MACROD2: variants seen among roughly 807,000 people sequenced by gnomAD.
MACROD2 encodes the protein mono-ADP ribosylhydrolase 2, also known as ADP-ribose glycohydrolase MACROD2.
In MACROD2, 36 loss-of-function variants were observed where a neutral mutation model predicts 70.4. The ratio of observed to expected loss-of-function variants is 0.51; its 90% CI spans 0.39 to 0.68. The LOEUF (loss-of-function observed/expected upper bound fraction) is 0.68, where lower values mean the gene tolerates loss of function less well. Among genes scored for constraint, MACROD2 ranks in the 30% least tolerant of loss-of-function variants. The pLI, the probability that MACROD2 is intolerant of heterozygous loss-of-function variation, is 0.00. For missense variants in MACROD2, 496 were observed against 538.4 expected (o/e 0.92, Z 0.78); for synonymous variants, 172 against 178.8 (o/e 0.96, Z 0.30).
At chr20:15,809,306 C>G (rs1020589115) in intron 8 of MACROD2, among the ~76,000 whole-genome samples, 1 of 152,182 alleles carries the variant, frequency 6.6e-6, no homozygotes, top group African/African-American at 2.4e-5. Flanking sequence ...ACTGATGCCT[C>G]CAGGTCTTTG....
At chr20:14,975,967 C>G (rs2074735810) in intron 5 of MACROD2, among the ~76,000 whole-genome samples, 1 of 152,100 alleles carries the variant, frequency 6.6e-6, no homozygotes, top group Non-Finnish European at 1.5e-5. Flanking sequence ...TTAACAGGCT[C>G]AGGAAGGTAG....
At chr20:15,045,729 T>TG (rs1156750086) in intron 5 of MACROD2, among the ~76,000 whole-genome samples, 8 of 145,490 alleles carry the variant, frequency 5.5e-5, no homozygotes, top group African/African-American at 1.3e-4. Flanking sequence ...GTTTTTTTTT[T>TG]TTTTTTTTTT....
intron 5 of MACROD2, among the ~76,000 whole-genome samples, chr20:14,764,436 G>C (rs1056199578): frequency 6.6e-6 from 1 of 152,016 alleles, no homozygotes; most frequent in African/African-American, 2.4e-5. Context: ...CATCTGAGGT[G>C]GATTGTTTCT....
intron 5 of MACROD2, among the ~76,000 whole-genome samples, chr20:15,203,400 T>C (rs1399142631): frequency 2.0e-5 from 3 of 152,116 alleles, no homozygotes; most frequent in Non-Finnish European, 4.4e-5. Context: ...TCAGTCTTTG[T>C]TTTGTTTTCA....
chr20:15,579,080 G>A (rs1327523314), intron 8 of MACROD2, among the ~76,000 whole-genome samples: 1 of 152,120 alleles, frequency 6.6e-6, no homozygotes, highest in African/African-American at 2.4e-5. Context: ...ATATTTTCAA[G>A]ACAACATTCC....
chr20:14,574,093 G>A (rs762095164), intron 4 of MACROD2, among the ~76,000 whole-genome samples: 3 of 152,154 alleles, frequency 2.0e-5, no homozygotes, highest in Non-Finnish European at 2.9e-5. Context: ...AATCAAGAAC[G>A]ACACTGCTGC....
intron 4 of MACROD2, among the ~76,000 whole-genome samples, chr20:14,528,689 G>C (rs780859739): frequency 6.6e-6 from 1 of 151,828 alleles, no homozygotes; most frequent in African/African-American, 2.4e-5. Flanking sequence ...AACATTTCTC[G>C]ATCTCATTTG....
intron 5 of MACROD2, among the ~76,000 whole-genome samples, chr20:15,034,239 T>C (rs2075296503): frequency 6.6e-6 from 1 of 152,186 alleles, no homozygotes; most frequent in African/African-American, 2.4e-5. Context: ...CCAAATTTGA[T>C]GGTTGGAATT....
chr20:15,033,995 A>G (rs971108400), intron 5 of MACROD2, among the ~76,000 whole-genome samples: 1 of 152,172 alleles, frequency 6.6e-6, no homozygotes, highest in Non-Finnish European at 1.5e-5. Context: ...AAGATTAAAT[A>G]AGACTCATGT....
intron 5 of MACROD2, among the ~76,000 whole-genome samples, chr20:14,998,808 A>G (rs962778348): frequency 6.6e-6 from 1 of 152,218 alleles, no homozygotes; most frequent in Admixed American, 6.5e-5. Flanking sequence ...ACTTTAACCC[A>G]AAGAAGACTA....
At chr20:14,087,872 A>C (rs2054098143) in intron 3 of MACROD2, among the ~76,000 whole-genome samples, 1 of 152,148 alleles carries the variant, frequency 6.6e-6, no homozygotes, top group African/African-American at 2.4e-5. Flanking sequence ...GTATATATGC[A>C]TAAAAGATAT....
At chr20:15,982,011 A>G (rs896156408) in intron 13 of MACROD2, among the ~76,000 whole-genome samples, 10 of 151,820 alleles carry the variant, frequency 6.6e-5, no homozygotes, top group Non-Finnish European at 8.8e-5. Context: ...TTCCCTCATC[A>G]GAGAACCGCA....
At chr20:14,064,930 A>T (rs2053738070) in intron 2 of MACROD2, among the ~76,000 whole-genome samples, 1 of 152,248 alleles carries the variant, frequency 6.6e-6, no homozygotes, top group Admixed American at 6.5e-5. Flanking sequence ...CTACTTTCAC[A>T]TCGGTAGGGA....
intron 2 of MACROD2, among the ~76,000 whole-genome samples, chr20:14,040,803 C>G (rs2053380078): frequency 6.6e-6 from 1 of 152,204 alleles, no homozygotes. Context: ...TATGGAACCA[C>G]TGTTGCATAT....
At chr20:14,702,602 T>C (rs367599930) in intron 5 of MACROD2, among the ~76,000 whole-genome samples, 49,462 of 66,816 alleles carry the variant, frequency 0.74, 16,213 homozygotes, top group Non-Finnish European at 0.75. Flanking sequence ...TATATGTGTG[T>C]ATATATATGT....
chr20:15,549,839 A>G (rs2048072182), intron 8 of MACROD2, among the ~76,000 whole-genome samples: 2 of 151,370 alleles, frequency 1.3e-5, no homozygotes, highest in Non-Finnish European at 2.9e-5. Context: ...TGCATTTTCT[A>G]TCTATGTGCA....
At chr20:14,813,448 C>T (rs1466348171) in intron 5 of MACROD2, among the ~76,000 whole-genome samples, 3 of 151,026 alleles carry the variant, frequency 2.0e-5, no homozygotes, top group Non-Finnish European at 2.9e-5. Flanking sequence ...TGAGAACATA[C>T]AGTGTTTGGT....
intron 3 of MACROD2, among the ~76,000 whole-genome samples, chr20:14,210,466 TGACA>T (rs1201958337): frequency 6.6e-6 from 1 of 152,084 alleles, no homozygotes; most frequent in Non-Finnish European, 1.5e-5. Flanking sequence ...TGTGGACAGC[TGACA>T]GAGAAGAAAA....
chr20:15,489,559 G>C (rs2047202109), intron 7 of MACROD2, among the ~76,000 whole-genome samples: 1 of 152,180 alleles, frequency 6.6e-6, no homozygotes, highest in East Asian at 1.9e-4. Flanking sequence ...GACATTAAAT[G>C]GTAGAATGGG....
Sources: allele counts gnomAD v4.1 joint callset (sites outside exome capture counted in the v4.1 genomes callset), GRCh38; gene constraint gnomAD v4.1.1; transcripts MANE v1.5; gene names NCBI Gene and HGNC (gene_info 2026-07-23, HGNC 2026-07-21).